Variants in ACIN1 observed in about 807,000 individuals in gnomAD.
ACIN1 encodes the protein apoptotic chromatin condensation inducer in the nucleus.
In ACIN1, 16 loss-of-function variants were observed where a neutral mutation model predicts 146.6. That is an observed-to-expected ratio of 0.11 (90% CI 0.07 to 0.17). ACIN1 has a LOEUF of 0.17. Ranked by LOEUF, ACIN1 falls within the 10% of genes least tolerant of loss-of-function variation. The pLI is 1.00. For missense variants in ACIN1, 1,357 were observed against 1,609.3 expected, an observed-to-expected ratio of 0.84 and a Z score of 2.68; for synonymous variants, 569 against 582.7, an observed-to-expected ratio of 0.98 and a Z score of 0.34.
intron 8 of ACIN1, among the ~76,000 whole-genome samples, chr14:23,074,742 A>G (rs1175068509): frequency 6.6e-6 from 1 of 152,212 alleles, no homozygotes; most frequent in Non-Finnish European, 1.5e-5. Flanking sequence ...TAAACAGTAC[A>G]CAAAGAAGCC....
At chr14:23,062,583 A>C (rs1286808221) in intron 14 of ACIN1, 60 bp from the exon 15 acceptor site, 2 of 1,467,028 alleles carry the variant, frequency 1.4e-6, no homozygotes, top group Non-Finnish European at 1.9e-6. Context: ...CCCAATCTTT[A>C]GATTTCCCGA....
intron 8 of ACIN1, among the ~76,000 whole-genome samples, chr14:23,070,832 A>AG (rs1264820058): frequency 6.6e-6 from 1 of 152,138 alleles, no homozygotes; most frequent in African/African-American, 2.4e-5. Context: ...TAGGGGGGTT[A>AG]GGGGGAGGGG....
At chr14:23,060,505 G>A (rs2047242010) in intron 18 of ACIN1, among the ~76,000 whole-genome samples, 1 of 151,126 alleles carries the variant, frequency 6.6e-6, no homozygotes, top group African/African-American at 2.5e-5. Context: ...ATACAATCAA[G>A]TTCTTTTTTT....
chr14:23,079,572 C>G lies in ACIN1; in HGVS notation c.1763G>C (p.Arg588Pro). 6.3e-7 allele frequency: 1 copy of G among 1,584,542 alleles called. No homozygotes were observed. Among genetic ancestry groups the G allele is most frequent in the South Asian group, 1.1e-5 (1 of 89,778 alleles). ...TTTTCTGCTGTTGCTTGATGCTGAA[C>G]GAGAACGTGAACGTGACCTTGATCT... ...ESRSRSRSRS[R>P]SASSNSRKSL... The change falls in exon 6 of 19, where the codon CGT becomes CCT. Residue 588 changes from arginine (R) to proline (P), a missense_variant. Transcript: ENST00000605057.
rs1036520840 is a variant in ACIN1, at chr14:23,061,736, G to A, written c.3100-114C>T. The stretch of plus-strand genomic sequence containing the variant: ...CGCCTGTAATCCCAGCACTTTGGGA[G>A]GCCAAGGCGGTCAGATCACGAGGTC... On this transcript the variant is annotated intron_variant, in intron 16 of 18. Transcript: ENST00000605057. 2.6e-5 allele frequency: 24 copies of A among 913,974 alleles called. No homozygotes were observed. The Middle Eastern group carries it at 9.7e-4, about 37-fold the overall frequency. The allele number at this position is 913,974 out of a possible 1,614,324, so 56.6% of individuals were successfully genotyped here. A position where few individuals can be genotyped will look rare whatever the true frequency, so the allele number is the denominator to read the frequency against.
In ACIN1 at chr14:23,068,449, T is replaced by C. The variant is rs556301227; in HGVS notation, c.2265+1027A>G. 1 of 985,858 alleles carries C rather than the reference T, an allele frequency of 1.0e-6. No homozygotes were observed. The highest frequency in any genetic ancestry group is 1.2e-6 in the Non-Finnish European group (1 of 829,948). 61.1% of individuals were successfully genotyped at this position (985,858 alleles called of 1,614,324 possible). On this transcript the variant is annotated intron_variant, in intron 9 of 18. Transcript: ENST00000605057. The surrounding 1 kb of genome is among the most constrained non-coding windows in gnomAD (Gnocchi z 4.3). ...CTCAATACAAGTCTCTCCAGAACAG[T>C]GTTCTTCTTGGCCCCCTGATGTAAG...
chr14:23,063,345 C>A, intron 13 of ACIN1, 91 bp downstream of exon 13: 1 of 1,478,286 alleles, frequency 6.8e-7, no homozygotes. Context: ...TAATGAAAGG[C>A]AGGAAACATT....
chr14:23,064,910 G>A (rs199999101), intron 10 of ACIN1, among the ~76,000 whole-genome samples: 1,310 of 86,694 alleles, frequency 0.015, 30 homozygotes, highest in African/African-American at 0.065. Context: ...AAAAAAAAAA[G>A]AAAAGAAATC....
chr14:23,071,001 G>A, intron 8 of ACIN1: 1 of 1,109,186 alleles, frequency 9.0e-7, no homozygotes, highest in Admixed American at 2.3e-5. Context: ...GACAAAGGGG[G>A]AAGGCAGAAT....
upstream of ACIN1, chr14:23,095,447 C>T (rs2048353823): frequency 7.6e-6 from 8 of 1,057,292 alleles, no homozygotes; most frequent in South Asian, 1.4e-4. Flanking sequence ...ATTTCCGGAC[C>T]TAGAGATGAG....
At chr14:23,078,114 G>C in intron 8 of ACIN1, 37 bp downstream of exon 8, 1 of 1,595,516 alleles carries the variant, frequency 6.3e-7, no homozygotes. Flanking sequence ...CACACTCATA[G>C]TTCCCTGTTA....
chr14:23,086,797 T>C (rs1218862523), intron 4 of ACIN1, among the ~76,000 whole-genome samples: 1 of 152,206 alleles, frequency 6.6e-6, no homozygotes, highest in African/African-American at 2.4e-5. Context: ...CCTTCCTATT[T>C]GGAATTTTGC....
In ACIN1 at chr14:23,095,108, G is replaced by T. The variant is rs1393935284; in HGVS notation, c.5C>A (p.Ala2Glu). 1 of 1,614,188 alleles carries T rather than the reference G, an allele frequency of 6.2e-7. No individual in the cohort carries two copies. M[A>E]ELEEVTLDGK... ...GTCCAGAGTCACCTCCTCCAGCTCC[G>T]CCATCTTGCGTGAGGTACTCGGGTC... Residue 2 changes from alanine to glutamate, a missense_variant, in exon 1 of 19, where the codon GCG becomes GAG. Around this residue, in one of 4 missense-constraint regions of ACIN1, gnomAD observed 22 missense variants for 19.1 expected, o/e 1.15. Coordinates refer to ENST00000605057, the MANE Select transcript of ACIN1 (RefSeq NM_001386863.1).
intron 1 of ACIN1, 67 bp from the exon 2 acceptor site, chr14:23,093,611 AC>A (rs1316743078): frequency 3.1e-6 from 4 of 1,302,640 alleles, no homozygotes; most frequent in South Asian, 1.2e-5. Flanking sequence ...CCCCACCTCT[AC>A]CACAACCTCT....
intron 4 of ACIN1, among the ~76,000 whole-genome samples, chr14:23,084,322 T>G (rs1363501065): frequency 6.6e-6 from 1 of 151,942 alleles, no homozygotes; most frequent in African/African-American, 2.4e-5. Context: ...AAAATCAAAA[T>G]GAGGCTGGGC....
At chr14:23,094,677 C>T (rs893383960) in intron 1 of ACIN1, 4 of 724,190 alleles carry the variant, frequency 5.5e-6, no homozygotes, top group Non-Finnish European at 8.1e-6. Flanking sequence ...GCGCATGCGC[C>T]GAAACCACAG....
intron 18 of ACIN1, 75 bp from the exon 19 acceptor site, chr14:23,059,549 C>T: frequency 1.7e-6 from 2 of 1,182,358 alleles, no homozygotes; most frequent in Admixed American, 1.8e-5. Flanking sequence ...CTGGACCCTG[C>T]CTCCTAGCTC....
rs1483524212 is a variant in ACIN1, at chr14:23,059,026, T to G, written c.*122A>C. ...TGGCCACTTTTCCATTTGGTATGTA[T>G]GTAGGGATAGGTGATGTGAAAGACC... On this transcript the variant is annotated 3_prime_UTR_variant, in exon 19 of 19. Transcript: ENST00000605057. 1 of 894,866 alleles carries G rather than the reference T, an allele frequency of 1.1e-6. No homozygotes were observed. The highest frequency in any genetic ancestry group is 1.7e-5 in the African/African-American group (1 of 59,924). 55.4% of individuals were successfully genotyped at this position (894,866 alleles called of 1,614,324 possible). A position where few individuals can be genotyped will look rare whatever the true frequency, so the allele number is the denominator to read the frequency against.
At position 23,068,022 on chromosome 14, in the gene ACIN1, G is replaced by A; in HGVS notation, c.2265+1454C>T. On this transcript the variant is annotated intron_variant, in intron 9 of 18. Coordinates refer to ENST00000605057, the MANE Select transcript of ACIN1 (RefSeq NM_001386863.1). This position sits in a 1 kb window ranked among gnomAD's most constrained non-coding sequence, Gnocchi z 4.3. ...ATGAGTCCCTGCCTCCAGGGATGGA[G>A]GAGAAGTTGGAGCAACCAACATGCT... The A allele has an allele frequency of 1.0e-6, 1 of 985,874 alleles. No individual in the cohort carries two copies. Among genetic ancestry groups the A allele is most frequent in the Non-Finnish European group, 1.2e-6 (1 of 829,940 alleles). 61.1% of individuals were successfully genotyped at this position (985,874 alleles called of 1,614,324 possible).
Sources: gnomAD v4.1 joint callset for allele counts (sites outside exome capture counted in the v4.1 genomes callset) on GRCh38, gnomAD v4.1.1 for gene constraint, gnomAD v4.1.1 regional missense constraint, Gnocchi (gnomAD v3.1) non-coding constraint, MANE v1.5 for transcripts, NCBI Gene and HGNC (gene_info 2026-07-23, HGNC 2026-07-21) for gene names.